Variants in SGCZ observed in about 807,000 individuals in gnomAD.
The protein encoded by SGCZ is zeta-sarcoglycan.
A neutral mutation model predicts 41.3 loss-of-function variants in SGCZ; 40 were observed. The ratio of observed to expected loss-of-function variants is 0.97; its 90% CI spans 0.75 to 1.26. The LOEUF is 1.26. SGCZ is among the 50% of genes most tolerant of loss of function. SGCZ has a pLI of 0.00. For synonymous variants in SGCZ, 206 were observed against 137.5 expected (o/e 1.50, Z -3.49); for missense variants, 552 against 369.8 (o/e 1.49, Z -4.04).
chr8:15,233,529 T>A (rs1802025019), intron 1 of SGCZ, among the ~76,000 whole-genome samples: 1 of 152,030 alleles, frequency 6.6e-6, no homozygotes, highest in Non-Finnish European at 1.5e-5. Context: ...TTTAATGACC[T>A]CATTATATTA....
chr8:15,059,936 T>TGTGGAGAGAGGGTGTGGAGAGAG (rs1804855784), intron 1 of SGCZ, among the ~76,000 whole-genome samples: 3 of 152,188 alleles, frequency 2.0e-5, no homozygotes, highest in Non-Finnish European at 4.4e-5. Context: ...AGAGGCAATG[T>TGTGGAGAGAGGGTGTGGAGAGAG]GTTCTGGCTC....
intron 2 of SGCZ, among the ~76,000 whole-genome samples, chr8:14,344,258 G>A (rs1394678862): frequency 6.6e-6 from 1 of 151,698 alleles, no homozygotes; most frequent in Admixed American, 6.6e-5. Flanking sequence ...TATTTTAATT[G>A]AAGAATAATG....
intron 2 of SGCZ, 135 bp from the exon 3 acceptor site, chr8:14,324,339 T>C: frequency 1.5e-6 from 1 of 684,204 alleles, no homozygotes; most frequent in Non-Finnish European, 2.6e-6. Context: ...AGATTGAATC[T>C]ACTTAATTAA....
At chr8:15,044,871 T>C (rs1804244368) in intron 1 of SGCZ, among the ~76,000 whole-genome samples, 1 of 152,052 alleles carries the variant, frequency 6.6e-6, no homozygotes. Context: ...ATTATTTAAT[T>C]CTAGTAAATA....
At chr8:14,158,604 G>A (rs34107329) in intron 5 of SGCZ, among the ~76,000 whole-genome samples, 5,727 of 152,284 alleles carry the variant, frequency 0.038, 156 homozygotes, top group Middle Eastern at 0.068. Flanking sequence ...TTCAAGCCAT[G>A]AGAGGAATTT....
At chr8:14,090,671 T>G in intron 7 of SGCZ, 34 bp from the exon 8 acceptor site, 1 of 1,586,034 alleles carries the variant, frequency 6.3e-7, no homozygotes. Context: ...TTTAATTCAT[T>G]TTAGAAATGT....
intron 3 of SGCZ, among the ~76,000 whole-genome samples, chr8:14,310,752 A>T (rs1050693061): frequency 1.4e-4 from 21 of 152,096 alleles, no homozygotes; most frequent in African/African-American, 4.8e-4. Flanking sequence ...TTATTGCAAG[A>T]CAGTCTCTGT....
At chr8:14,843,544 T>A (rs1050344561) in intron 1 of SGCZ, among the ~76,000 whole-genome samples, 7 of 152,286 alleles carry the variant, frequency 4.6e-5, no homozygotes, top group African/African-American at 1.7e-4. Flanking sequence ...AATAGTGTTA[T>A]TTCTTCTAGA....
intron 3 of SGCZ, among the ~76,000 whole-genome samples, chr8:14,317,703 C>T (rs1801764145): frequency 6.6e-6 from 1 of 151,850 alleles, no homozygotes; most frequent in South Asian, 2.1e-4. Flanking sequence ...AGCCAGGCTC[C>T]TAGATAAGGG....
intron 5 of SGCZ, among the ~76,000 whole-genome samples, chr8:14,152,258 A>C (rs553703330): frequency 1.3e-5 from 2 of 152,196 alleles, no homozygotes; most frequent in South Asian, 2.1e-4. Flanking sequence ...AAAGAATTCA[A>C]TTAGCAAATG....
intron 1 of SGCZ, among the ~76,000 whole-genome samples, chr8:14,834,485 G>C (rs1197485746): frequency 6.6e-6 from 1 of 152,112 alleles, no homozygotes; most frequent in South Asian, 2.1e-4. Flanking sequence ...AGTTGCTCAG[G>C]AATTCAGGCT....
At chr8:14,814,412 C>T (rs1247171892) in intron 1 of SGCZ, among the ~76,000 whole-genome samples, 1 of 152,038 alleles carries the variant, frequency 6.6e-6, no homozygotes, top group East Asian at 1.9e-4. Context: ...CCCACTTGCA[C>T]AGAACTAGGA....
chr8:14,744,888 T>C (rs369421565), intron 1 of SGCZ, among the ~76,000 whole-genome samples: 7 of 152,178 alleles, frequency 4.6e-5, no homozygotes, highest in African/African-American at 1.7e-4. Flanking sequence ...CTTTTCATTT[T>C]ATAACAGCTT....
chr8:15,017,938 C>A (rs774813113), intron 1 of SGCZ, among the ~76,000 whole-genome samples: 2 of 152,124 alleles, frequency 1.3e-5, no homozygotes, highest in African/African-American at 4.8e-5. Flanking sequence ...CAATTTTGCC[C>A]AGTCTGGTCT....
chr8:15,134,865 T>G (rs1036589793), intron 1 of SGCZ, among the ~76,000 whole-genome samples: 7 of 152,230 alleles, frequency 4.6e-5, no homozygotes, highest in African/African-American at 1.4e-4. Context: ...GGAATCATTA[T>G]GCATTACTTC....
intron 2 of SGCZ, among the ~76,000 whole-genome samples, chr8:14,333,299 G>C (rs962195210): frequency 1.3e-5 from 2 of 152,016 alleles, no homozygotes; most frequent in Non-Finnish European, 2.9e-5. Context: ...ATGGTAAATG[G>C]AGACAACTGC....
chr8:14,586,732 T>C (rs564352600), intron 1 of SGCZ, among the ~76,000 whole-genome samples: 1 of 152,292 alleles, frequency 6.6e-6, no homozygotes, highest in African/African-American at 2.4e-5. Flanking sequence ...TAAAAATGTA[T>C]TGTATATCAC....
At chr8:14,266,167 A>C (rs1799857989) in intron 3 of SGCZ, among the ~76,000 whole-genome samples, 1 of 152,126 alleles carries the variant, frequency 6.6e-6, no homozygotes. Flanking sequence ...GTCTGTCTTA[A>C]GAGATATCAT....
chr8:14,996,308 T>C (rs1802216281), intron 1 of SGCZ, among the ~76,000 whole-genome samples: 1 of 152,222 alleles, frequency 6.6e-6, no homozygotes, highest in African/African-American at 2.4e-5. Flanking sequence ...TTGAAAAGCA[T>C]GTCTCTTTAA....
Sources: allele counts gnomAD v4.1 joint callset (sites outside exome capture counted in the v4.1 genomes callset), GRCh38; gene constraint gnomAD v4.1.1; transcripts MANE v1.5; gene names NCBI Gene and HGNC (gene_info 2026-07-23, HGNC 2026-07-21).